Variants in GULP1 observed in about 807,000 individuals in gnomAD.
GULP1 encodes GULP PTB domain containing engulfment adaptor 1, also known as PTB domain-containing engulfment adapter protein 1.
Under a neutral mutation model 40.9 loss-of-function variants are expected in GULP1, and 19 were observed. The ratio of observed to expected loss-of-function variants is 0.46; its 90% CI spans 0.32 to 0.68. GULP1 has a LOEUF of 0.68. Ranked by LOEUF, GULP1 falls within the 30% of genes least tolerant of loss-of-function variation. The pLI, the probability that GULP1 is intolerant of heterozygous loss-of-function variation, is 0.03. For synonymous variants in GULP1, 119 were observed against 117.6 expected, an observed-to-expected ratio of 1.01 and a Z score of -0.08; for missense variants, 312 against 362.2, an observed-to-expected ratio of 0.86 and a Z score of 1.12.
Position 188,487,689 on chromosome 2 carries a change from G to A in GULP1, c.90+4197G>A, listed in dbSNP as rs533235990. Among the ~76,000 whole-genome samples, 12 of 152,122 alleles carry A rather than the reference G, an allele frequency of 7.9e-5. No homozygotes were observed. The South Asian group carries it at 1.0e-3, about 13-fold the overall frequency. On this transcript the variant is annotated intron_variant, in intron 4 of 11. Coordinates refer to ENST00000409830, the MANE Select transcript of GULP1 (RefSeq NM_016315.4). ...AACCATGTCAGGGAGTTTTACAAGT[G>A]AGAAAACTACATAGCTAATCAACAA...
intron 6 of GULP1, among the ~76,000 whole-genome samples, chr2:188,538,612 TA>T (rs1405943330): frequency 6.6e-6 from 1 of 151,882 alleles, no homozygotes; most frequent in East Asian, 1.9e-4. Flanking sequence ...AAAAAGGGAT[TA>T]AAAAGCTCTG....
chr2:188,571,565 A>G (rs1299287294), intron 9 of GULP1, among the ~76,000 whole-genome samples: 3 of 152,060 alleles, frequency 2.0e-5, no homozygotes, highest in African/African-American at 7.2e-5. Flanking sequence ...TTCTGGTTTT[A>G]TTCTGATATT....
intron 9 of GULP1, chr2:188,582,452 G>A: frequency 2.1e-6 from 1 of 471,600 alleles, no homozygotes; most frequent in South Asian, 1.5e-5. Flanking sequence ...TTCCATCTCT[G>A]TCACTCCTAT....
In GULP1 at chr2:188,462,229, A is replaced by G. The variant is rs148056739; in HGVS notation, c.-44-15430A>G. 3.8e-3 allele frequency among the ~76,000 whole-genome samples: 577 copies of G among 152,190 alleles called. 4 individuals are homozygous for G. Among genetic ancestry groups the G allele is most frequent in the African/African-American group, 0.013 (544 of 41,542 alleles). ...TATTGTGTAATTTTTATGTCTTTAT[A>G]TAGTTTCCAAATTTTCTCTTATTGA... On this transcript the variant is annotated intron_variant, in intron 2 of 11. Coordinates refer to ENST00000409830, the MANE Select transcript of GULP1 (RefSeq NM_016315.4).
chr2:188,512,006 T>A (rs1220529075), intron 4 of GULP1, among the ~76,000 whole-genome samples: 1 of 152,162 alleles, frequency 6.6e-6, no homozygotes, highest in Non-Finnish European at 1.5e-5. Flanking sequence ...CTTTAGCAAA[T>A]GACTATTATG....
intron 2 of GULP1, among the ~76,000 whole-genome samples, chr2:188,406,642 A>C (rs866647989): frequency 6.6e-6 from 1 of 152,134 alleles, no homozygotes. Flanking sequence ...AAACTTGAAG[A>C]TAGGTTATTC....
chr2:188,364,687 C>T (rs1033075825), intron 1 of GULP1, among the ~76,000 whole-genome samples: 2 of 149,138 alleles, frequency 1.3e-5, no homozygotes, highest in African/African-American at 5.0e-5. Context: ...CAGTGTAGAT[C>T]ATGGGATATG....
At chr2:188,357,989 G>A (rs915729709) in intron 1 of GULP1, among the ~76,000 whole-genome samples, 2 of 152,106 alleles carry the variant, frequency 1.3e-5, no homozygotes, top group Admixed American at 6.5e-5. Flanking sequence ...GACCAGCCAG[G>A]CCAACATGGC....
intron 1 of GULP1, among the ~76,000 whole-genome samples, chr2:188,299,828 A>G (rs552928597): frequency 6.6e-6 from 1 of 152,262 alleles, no homozygotes; most frequent in Admixed American, 6.5e-5. Flanking sequence ...GTCACAGAGG[A>G]TGAGGATGAG....
At chr2:188,531,936 T>G (rs572421620) in intron 6 of GULP1, among the ~76,000 whole-genome samples, 2 of 152,190 alleles carry the variant, frequency 1.3e-5, no homozygotes, top group Admixed American at 1.3e-4. Context: ...TTGTAGGCCA[T>G]GCTTATGTTG....
At chr2:188,297,154 T>C (rs939498403) in intron 1 of GULP1, among the ~76,000 whole-genome samples, 9 of 152,080 alleles carry the variant, frequency 5.9e-5, no homozygotes, top group African/African-American at 2.2e-4. Context: ...GAAATCCTTT[T>C]TTTTTTCTTT....
intron 1 of GULP1, among the ~76,000 whole-genome samples, chr2:188,313,199 C>T (rs2038475657): frequency 6.6e-6 from 1 of 152,148 alleles, no homozygotes; most frequent in Non-Finnish European, 1.5e-5. Context: ...TTGTCCATGC[C>T]TGCGTCCTGA....
chr2:188,517,697 C>T (rs1379181622), intron 4 of GULP1, among the ~76,000 whole-genome samples: 1 of 152,118 alleles, frequency 6.6e-6, no homozygotes, highest in Non-Finnish European at 1.5e-5. Flanking sequence ...TAACTGTCAG[C>T]ATAGGTTGTC....
intron 2 of GULP1, among the ~76,000 whole-genome samples, chr2:188,473,249 G>A (rs902668016): frequency 6.6e-6 from 1 of 152,100 alleles, no homozygotes; most frequent in Non-Finnish European, 1.5e-5. Flanking sequence ...GAACAGCACT[G>A]GTTCTTGCCC....
chr2:188,477,445 AG>A (rs1456868204), intron 2 of GULP1, among the ~76,000 whole-genome samples: 8 of 152,134 alleles, frequency 5.3e-5, no homozygotes, highest in African/African-American at 1.7e-4. Context: ...AGAACTTGGG[AG>A]GAATTTCTGT....
intron 1 of GULP1, among the ~76,000 whole-genome samples, chr2:188,338,556 C>T (rs933326873): frequency 2.0e-5 from 3 of 152,056 alleles, no homozygotes; most frequent in Non-Finnish European, 4.4e-5. Context: ...CCTCCCACCT[C>T]GGCCCTTCCA....
chr2:188,553,826 G>T (rs1694102113), intron 7 of GULP1, among the ~76,000 whole-genome samples: 1 of 151,858 alleles, frequency 6.6e-6, no homozygotes, highest in Non-Finnish European at 1.5e-5. Flanking sequence ...ATTCAATATT[G>T]CTACTCATAT....
At chr2:188,318,620 T>C (rs1426677231) in intron 1 of GULP1, among the ~76,000 whole-genome samples, 1 of 151,892 alleles carries the variant, frequency 6.6e-6, no homozygotes, top group Admixed American at 6.6e-5. Flanking sequence ...TGCACCATAT[T>C]AGTTTATCAT....
chr2:188,576,156 A>T (rs1700135641), intron 9 of GULP1, among the ~76,000 whole-genome samples: 2 of 152,098 alleles, frequency 1.3e-5, no homozygotes, highest in Non-Finnish European at 2.9e-5. Context: ...ATTTCTGCCA[A>T]CTAGACAGCC....
Sources: allele counts gnomAD v4.1 joint callset (sites outside exome capture counted in the v4.1 genomes callset), GRCh38; gene constraint gnomAD v4.1.1; transcripts MANE v1.5; gene names NCBI Gene and HGNC (gene_info 2026-07-23, HGNC 2026-07-21).